WT1: variants seen among roughly 807,000 people sequenced by gnomAD.
The protein encoded by WT1 is Wilms tumor protein.
Under a neutral mutation model 60.8 loss-of-function variants are expected in WT1, and 8 were observed. That is an observed-to-expected ratio of 0.13 (90% confidence interval 0.08 to 0.24). WT1 has a LOEUF of 0.24. WT1 is among the 10% of genes least tolerant of loss of function. WT1 has a pLI of 1.00. For synonymous variants in WT1, 312 were observed against 297.1 expected (o/e 1.05, Z -0.52); for missense variants, 568 against 711.8 (o/e 0.80, Z 2.30).
At position 32,394,860 on chromosome 11, in the gene WT1, A is replaced by T. The variant is rs536254990; in HGVS notation, c.1264+1397T>A. 7.2e-5 allele frequency among the ~76,000 whole-genome samples: 11 copies of T among 152,304 alleles called. No homozygotes were observed. The South Asian group carries it at 2.3e-3, about 32-fold the overall frequency. ...GTTGTCTAACCCTCACTGCATTCTA[A>T]GTGCTTCTCTCTCACTAAAAGTTTC... On this transcript the variant is annotated intron_variant, in intron 7 of 9. Coordinates refer to ENST00000452863, the MANE Select transcript of WT1 (RefSeq NM_024426.6).
intron 7 of WT1, among the ~76,000 whole-genome samples, chr11:32,393,785 C>T (rs1258707255): frequency 6.6e-6 from 1 of 152,246 alleles, no homozygotes; most frequent in Non-Finnish European, 1.5e-5. Flanking sequence ...CCCTTCCTTC[C>T]CTCATTACGA....
At chr11:32,427,488 G>A (rs148704360) in intron 3 of WT1, among the ~76,000 whole-genome samples, 164 of 152,306 alleles carry the variant, frequency 1.1e-3, no homozygotes, top group African/African-American at 3.6e-3. Context: ...TCCACAAAGC[G>A]CTGCCACGGG....
In WT1 at chr11:32,413,015, G is replaced by T. The variant is rs74345592; in HGVS notation, c.1016+3475C>A. Among the ~76,000 whole-genome samples, 985 of 152,208 alleles carry T rather than the reference G, an allele frequency of 6.5e-3. 8 individuals are homozygous for T. Among genetic ancestry groups the T allele is most frequent in the African/African-American group, 0.022 (933 of 41,540 alleles). On this transcript the variant is annotated intron_variant, in intron 5 of 9. Coordinates refer to ENST00000452863, the MANE Select transcript of WT1 (RefSeq NM_024426.6). Reference sequence around the variant, plus strand: ...CACTGCTCCCTGACATCTAATGAAAGATGTCTCCGTGGACTTGCTTGGGAT... The same window carrying T: ...CACTGCTCCCTGACATCTAATGAAATATGTCTCCGTGGACTTGCTTGGGAT...
In WT1 at chr11:32,416,496, T is replaced by C. The variant is rs769618028; in HGVS notation, c.1010A>G (p.Gln337Arg). The change falls in exon 5 of 10, where the codon CAG (glutamine) becomes CGG (arginine). Residue 337 changes from glutamine to arginine, a missense_variant. Transcript: ENST00000452863. ...CTCCGCATTGTCCACTCACTTGCTC[T>C]GCCCTTCTGTCCATTTCACTGAGCT... is the stretch of plus-strand genomic sequence containing the variant. The C allele has an allele frequency of 1.2e-6, 2 of 1,614,158 alleles. No individual in the cohort carries two copies. The highest frequency in any genetic ancestry group is 2.2e-5 in the South Asian group (2 of 91,078).
chr11:32,428,711 CG>C, intron 1 of WT1, 92 bp from the exon 2 acceptor site: 1 of 1,535,346 alleles, frequency 6.5e-7, no homozygotes, highest in South Asian at 1.2e-5. Context: ...GGGGGGTGTG[CG>C]CTGAACCCCG....
At position 32,416,632 on chromosome 11, in the gene WT1, A is replaced by C. The variant is rs541597707; in HGVS notation, c.966-92T>G. On this transcript the variant is annotated intron_variant, in intron 4 of 9. Transcript: ENST00000452863. Reference sequence around the variant, plus strand: ...CCCAGAATCCAGTGAAAAGCCCCTCAATACACAGAGACATCAAGCTAGCTA... The same window carrying C: ...CCCAGAATCCAGTGAAAAGCCCCTCCATACACAGAGACATCAAGCTAGCTA... The C allele has an allele frequency of 3.1e-5, 45 of 1,468,662 alleles. 1 individual carries two copies. In the African/African-American group the frequency reaches 4.6e-4, roughly 15 times the overall value. The allele number at this position is 1,468,662 out of a possible 1,614,324, so 91.0% of individuals were successfully genotyped here. A position where few individuals can be genotyped will look rare whatever the true frequency, so the allele number is the denominator to read the frequency against.
intron 1 of WT1, among the ~76,000 whole-genome samples, chr11:32,433,234 A>G (rs1022038659): frequency 6.6e-6 from 1 of 152,256 alleles, no homozygotes; most frequent in African/African-American, 2.4e-5. Flanking sequence ...CCCCTTGAGT[A>G]CAAAACACTA....
In WT1 at chr11:32,412,768, G is replaced by A. The variant is rs150435444; in HGVS notation, c.1016+3722C>T. Among the ~76,000 whole-genome samples, 10 of 112,746 alleles carry A rather than the reference G, an allele frequency of 8.9e-5. No individual in the cohort carries two copies. The South Asian group carries it at 1.4e-3, about 16-fold the overall frequency. 74.0% of individuals were successfully genotyped at this position (112,746 alleles called of 152,430 possible). A position where few individuals can be genotyped will look rare whatever the true frequency, so the allele number is the denominator to read the frequency against. On this transcript the variant is annotated intron_variant, in intron 5 of 9. Transcript: ENST00000452863. ...GGTGAGGGAGAAGAAAGTACTTTCC[G>A]TAAAGTACCTTCTCACTGACTTAAA...
intron 3 of WT1, among the ~76,000 whole-genome samples, chr11:32,418,539 T>C (rs928880387): frequency 7.9e-5 from 12 of 152,148 alleles, no homozygotes; most frequent in Admixed American, 5.2e-4. Flanking sequence ...CTAAACACTT[T>C]ACAGAAGAAA....
At chr11:32,398,744 T>A (rs1000222820) in intron 6 of WT1, among the ~76,000 whole-genome samples, 2 of 151,288 alleles carry the variant, frequency 1.3e-5, no homozygotes, top group Non-Finnish European at 2.9e-5. Context: ...GTATTGCAGA[T>A]GAAATGAAGG....
intron 7 of WT1, among the ~76,000 whole-genome samples, chr11:32,393,918 A>G (rs1408157830): frequency 2.6e-5 from 4 of 152,270 alleles, no homozygotes; most frequent in African/African-American, 9.6e-5. Flanking sequence ...TCAGAGACAG[A>G]GTCTCTCTCT....
At chr11:32,419,840 T>G (rs536501029) in intron 3 of WT1, among the ~76,000 whole-genome samples, 43 of 152,312 alleles carry the variant, frequency 2.8e-4, no homozygotes, top group African/African-American at 1.0e-3. Context: ...ACTACAGGCA[T>G]CTGCCACCAT....
At chr11:32,393,468 C>A (rs1851876867) in intron 7 of WT1, among the ~76,000 whole-genome samples, 1 of 152,242 alleles carries the variant, frequency 6.6e-6, no homozygotes, top group South Asian at 2.1e-4. Flanking sequence ...GAGAAGTGAG[C>A]AACCCCAGGC....
chr11:32,394,986 A>T (rs182624170), intron 7 of WT1, among the ~76,000 whole-genome samples: 1 of 152,328 alleles, frequency 6.6e-6, no homozygotes, highest in Non-Finnish European at 1.5e-5. Flanking sequence ...AAATGATCCC[A>T]TTTGGGGAAA....
rs745435848 is a variant in WT1 at position 32,434,975 on chromosome 11, G to T, written c.386C>A (p.Pro129Gln). The T allele has an allele frequency of 2.2e-5, 34 of 1,524,240 alleles. No individual in the cohort carries two copies. Among genetic ancestry groups the T allele is most frequent in the Non-Finnish European group, 2.8e-5 (32 of 1,142,718 alleles). The allele number at this position is 1,524,240 out of a possible 1,614,324, so 94.4% of individuals were successfully genotyped here. ...CGGGGGTGGCGGCGGAGCCGGTGGC[G>T]GCGCGGGGCCGCCCAACGACCCGTA... is the stretch of plus-strand genomic sequence containing the variant. The change falls in exon 1 of 10, where the codon CCG (proline) becomes CAG (glutamine). Residue 129 changes from proline (P) to glutamine (Q), a missense_variant. Physicochemically the swap from Pro to Gln is moderately conservative, Grantham distance 76 (BLOSUM62 -1). Transcript: ENST00000452863.
intron 9 of WT1, among the ~76,000 whole-genome samples, chr11:32,389,735 GTT>G (rs879851963): frequency 6.8e-6 from 1 of 146,554 alleles, no homozygotes; most frequent in Admixed American, 6.8e-5. Context: ...GTTATGTGTT[GTT>G]TTTTTTTTTC....
intron 1 of WT1, among the ~76,000 whole-genome samples, chr11:32,431,767 C>G (rs963670167): frequency 6.6e-6 from 1 of 152,058 alleles, no homozygotes; most frequent in Admixed American, 6.6e-5. Flanking sequence ...TGGGGCTACT[C>G]AAGTCCTCAC....
At chr11:32,413,452 C>T (rs1852564953) in intron 5 of WT1, among the ~76,000 whole-genome samples, 1 of 152,198 alleles carries the variant, frequency 6.6e-6, no homozygotes, top group East Asian at 1.9e-4. Context: ...GACCCCAACC[C>T]AGATTGGTCT....
chr11:32,414,555 G>C (rs187912152), intron 5 of WT1, among the ~76,000 whole-genome samples: 2 of 152,162 alleles, frequency 1.3e-5, no homozygotes. Context: ...GATTATAGGC[G>C]TGAGCCACCA....
Sources: gnomAD v4.1 joint callset for allele counts (sites outside exome capture counted in the v4.1 genomes callset) on GRCh38, gnomAD v4.1.1 for gene constraint, MANE v1.5 for transcripts, NCBI Gene and HGNC (gene_info 2026-07-23, HGNC 2026-07-21) for gene names.